SPTBN1: variants seen among roughly 807,000 people sequenced by gnomAD.
The protein encoded by SPTBN1 is spectrin beta chain, non-erythrocytic 1.
Under a neutral mutation model 266.4 loss-of-function variants are expected in SPTBN1, and 32 were observed. The observed-to-expected ratio is 0.12, with a 90% CI of 0.09 to 0.16. The LOEUF (loss-of-function observed/expected upper bound fraction) is 0.16. SPTBN1 is among the 10% of genes least tolerant of loss of function. SPTBN1 has a pLI of 1.00. For missense variants in SPTBN1, 2,296 were observed against 3,067.1 expected (o/e 0.75, Z 5.94); for synonymous variants, 1,336 against 1,162.2 (o/e 1.15, Z -3.04).
intron 2 of SPTBN1, among the ~76,000 whole-genome samples, chr2:54,576,565 T>C (rs899252575): frequency 2.6e-5 from 4 of 152,158 alleles, no homozygotes; most frequent in African/African-American, 9.7e-5. Context: ...TACGCTCTAG[T>C]TGATGCGCCA....
chr2:54,461,585 T>A lies in SPTBN1; in HGVS notation c.-48+5067T>A, dbSNP rs138174789. ...TTCCCACTAGCCATAAGTGTTACAG[T>A]TCCAAAGCCTTGCCAGTGCTTCACA... On this transcript the variant is annotated intron_variant, in intron 1 of 35. Transcript: ENST00000356805. Among the ~76,000 whole-genome samples, 108 of 152,358 alleles carry A rather than the reference T, an allele frequency of 7.1e-4. 2 individuals carry two copies. The East Asian group carries it at 0.018, about 25-fold the overall frequency.
At chr2:54,571,546 TACACACACACACACAC>T (rs71408769) in intron 2 of SPTBN1, among the ~76,000 whole-genome samples, 4 of 134,446 alleles carry the variant, frequency 3.0e-5, no homozygotes, top group Admixed American at 2.9e-4. Flanking sequence ...TAATTGTATG[TACACACACACACACAC>T]ACACACACAC....
chr2:54,638,612 T>C (rs1430909742), intron 18 of SPTBN1, among the ~76,000 whole-genome samples: 2 of 152,232 alleles, frequency 1.3e-5, no homozygotes, highest in Admixed American at 1.3e-4. Flanking sequence ...GCACGCTAGT[T>C]GGAGAATAGT....
At chr2:54,522,751 T>TCA (rs1670561331) in intron 1 of SPTBN1, among the ~76,000 whole-genome samples, 3 of 145,752 alleles carry the variant, frequency 2.1e-5, no homozygotes, top group Non-Finnish European at 4.5e-5. Context: ...GGAAAGCAGT[T>TCA]GTTGGTTCAG....
chr2:54,522,460 A>G (rs916288684), intron 1 of SPTBN1, among the ~76,000 whole-genome samples: 3 of 151,668 alleles, frequency 2.0e-5, no homozygotes, highest in African/African-American at 4.9e-5. Flanking sequence ...GTGAAACCCC[A>G]TTTCTACTAA....
Position 54,647,144 on chromosome 2 carries a change from C to T in SPTBN1, c.4880C>T (p.Ala1627Val). The change falls in exon 24 of 36, where the codon GCT becomes GTT. Residue 1627 changes from alanine to valine, a missense_variant. By Grantham distance (64) the Ala-to-Val change is moderately conservative. Around this residue, in one of 12 missense-constraint regions of SPTBN1, gnomAD observed 644 missense variants for 745.3 expected, o/e 0.86. Transcript: ENST00000356805. Reference protein sequence around the residue: ...SEEKAKDEQSAVSMLKKHQIL... With the variant: ...SEEKAKDEQSVVSMLKKHQIL... ...CTGTCTTTGCAGGATGAGCAGAGTG[C>T]TGTCTCCATGTTGAAGAAGCACCAG... The T allele has an allele frequency of 6.2e-7, 1 of 1,614,172 alleles. No individual in the cohort carries two copies. Among genetic ancestry groups the T allele is most frequent in the Non-Finnish European group, 8.5e-7 (1 of 1,180,026 alleles).
chr2:54,629,753 C>A lies in SPTBN1; in HGVS notation c.2619C>A (p.Asn873Lys). 12 of 1,611,230 alleles carry A rather than the reference C, an allele frequency of 7.4e-6. No individual in the cohort carries two copies. The highest frequency in any genetic ancestry group is 9.3e-6 in the Non-Finnish European group (11 of 1,179,898). ...TCGACGAGAAGGAGCAGTGGCTCAA[C>A]AACATGCAGATCCCAGAGAAGCTGG... ...LWIDEKEQWL[N>K]NMQIPEKLED... The change falls in exon 14 of 36, where the codon AAC (asparagine) becomes AAA (lysine). Residue 873 changes from asparagine to lysine, a missense_variant. By Grantham distance (94) the Asn-to-Lys change is moderately conservative (BLOSUM62 0). Around this residue, in one of 12 missense-constraint regions of SPTBN1, gnomAD observed 434 missense variants for 573.9 expected, o/e 0.76. Coordinates refer to ENST00000356805, the MANE Select transcript of SPTBN1 (RefSeq NM_003128.3).
intron 3 of SPTBN1, among the ~76,000 whole-genome samples, chr2:54,601,161 C>T (rs1676474027): frequency 6.6e-6 from 1 of 152,150 alleles, no homozygotes; most frequent in Non-Finnish European, 1.5e-5. Context: ...CATCTCCAAC[C>T]TCTTAGGCAG....
chr2:54,665,864 G>T (rs550209268), intron 33 of SPTBN1, 51 bp from the exon 34 acceptor site: 1 of 1,556,738 alleles, frequency 6.4e-7, no homozygotes, highest in South Asian at 1.2e-5. Context: ...TCTTTAAGGG[G>T]AATGTGGTAG....
intron 1 of SPTBN1, among the ~76,000 whole-genome samples, chr2:54,472,558 T>C (rs1693982954): frequency 6.6e-6 from 1 of 152,120 alleles, no homozygotes; most frequent in Admixed American, 6.6e-5. Flanking sequence ...AACTGTAGTC[T>C]CTCAATTTTT....
intron 2 of SPTBN1, among the ~76,000 whole-genome samples, chr2:54,548,721 A>G (rs1054723039): frequency 6.6e-6 from 1 of 152,082 alleles, no homozygotes; most frequent in Non-Finnish European, 1.5e-5. Context: ...CTCATTTCTC[A>G]TTTTTCTTAC....
At chr2:54,482,665 T>A (rs1057064409) in intron 1 of SPTBN1, among the ~76,000 whole-genome samples, 3 of 152,094 alleles carry the variant, frequency 2.0e-5, no homozygotes, top group Admixed American at 1.3e-4. Context: ...ACATTTCGAA[T>A]GCTCAGTAGC....
chr2:54,526,304 C>CCCAGTTGG (rs1448883522), intron 1 of SPTBN1, 68 bp from the exon 2 acceptor site: 1 of 1,295,466 alleles, frequency 7.7e-7, no homozygotes, highest in Non-Finnish European at 1.1e-6. Context: ...TCACTCTTAT[C>CCCAGTTGG]CCAGTTGGTT....
intron 17 of SPTBN1, among the ~76,000 whole-genome samples, chr2:54,636,594 G>A (rs1458029809): frequency 2.0e-5 from 3 of 152,194 alleles, no homozygotes; most frequent in Non-Finnish European, 2.9e-5. Context: ...TCAGCAGCAC[G>A]TGTTCACCAA....
At chr2:54,567,283 T>G (rs1183451253) in intron 2 of SPTBN1, among the ~76,000 whole-genome samples, 1 of 152,164 alleles carries the variant, frequency 6.6e-6, no homozygotes, top group Admixed American at 6.5e-5. Context: ...AAGGCCCTGT[T>G]AGGTAAAGGA....
At chr2:54,611,388 C>G (rs887639147) in intron 3 of SPTBN1, among the ~76,000 whole-genome samples, 13 of 151,902 alleles carry the variant, frequency 8.6e-5, no homozygotes, top group African/African-American at 3.1e-4. Context: ...TGTGTGTGTG[C>G]TTTTACAGGA....
intron 2 of SPTBN1, among the ~76,000 whole-genome samples, chr2:54,588,798 A>G (rs770141539): frequency 6.6e-6 from 1 of 152,176 alleles, no homozygotes; most frequent in Non-Finnish European, 1.5e-5. Context: ...CATGCTACCC[A>G]TTTTTAGTCA....
At chr2:54,456,914 CGCGGAGGTGGGT>C (rs1693065452) in intron 1 of SPTBN1, among the ~76,000 whole-genome samples, 1 of 149,028 alleles carries the variant, frequency 6.7e-6, no homozygotes, top group African/African-American at 2.4e-5. Context: ...AGGCCCCTGG[CGCGGAGGTGGGT>C]GCGGAGCGGA....
intron 1 of SPTBN1, among the ~76,000 whole-genome samples, chr2:54,524,148 G>A (rs530645924): frequency 2.0e-5 from 3 of 152,040 alleles, no homozygotes; most frequent in African/African-American, 7.2e-5. Flanking sequence ...GCAGTGAGCC[G>A]AGATGGTGCC....
Sources: gnomAD v4.1 joint callset for allele counts (sites outside exome capture counted in the v4.1 genomes callset) on GRCh38, gnomAD v4.1.1 for gene constraint, gnomAD v4.1.1 regional missense constraint, MANE v1.5 for transcripts, NCBI Gene and HGNC (gene_info 2026-07-23, HGNC 2026-07-21) for gene names.